Variants in ADGRB3 observed in about 807,000 individuals in gnomAD.
The protein encoded by ADGRB3 is brain-specific angiogenesis inhibitor 3.
ADGRB3 carries 37 observed loss-of-function variants against 193.4 expected under a neutral mutation model. The observed-to-expected ratio is 0.19, with a 90% CI of 0.15 to 0.25. ADGRB3 has a LOEUF of 0.25. ADGRB3 is among the 10% of genes least tolerant of loss of function. The pLI, the probability that ADGRB3 is intolerant of heterozygous loss-of-function variation, is 1.00. For missense variants in ADGRB3, 1,637 were observed against 1,852.9 expected (o/e 0.88, Z 2.14); for synonymous variants, 690 against 644.2 (o/e 1.07, Z -1.08).
At chr6:68,941,633 TA>T (rs1767644847) in intron 5 of ADGRB3, among the ~76,000 whole-genome samples, 2 of 152,002 alleles carry the variant, frequency 1.3e-5, no homozygotes, top group Admixed American at 6.6e-5. Context: ...ATTAACTTTT[TA>T]TATAGGAGGA....
chr6:68,760,746 T>A (rs551316163), intron 3 of ADGRB3, among the ~76,000 whole-genome samples: 2 of 152,256 alleles, frequency 1.3e-5, no homozygotes, highest in Non-Finnish European at 2.9e-5. Context: ...CAGAATACAT[T>A]TACCCTCAGC....
intron 29 of ADGRB3, among the ~76,000 whole-genome samples, chr6:69,368,374 G>T (rs1170684099): frequency 1.3e-5 from 2 of 152,088 alleles, no homozygotes; most frequent in Non-Finnish European, 2.9e-5. Context: ...AAAACAGTGG[G>T]CAGAACAAGA....
intron 13 of ADGRB3, among the ~76,000 whole-genome samples, chr6:69,031,366 G>A (rs748042208): frequency 1.1e-4 from 17 of 150,636 alleles, no homozygotes; most frequent in East Asian, 2.0e-4. Flanking sequence ...ATGTGAACCC[G>A]GGATGCAGAG....
At chr6:69,203,445 G>GT (rs1411714491) in intron 17 of ADGRB3, among the ~76,000 whole-genome samples, 1 of 146,326 alleles carries the variant, frequency 6.8e-6, no homozygotes, top group Non-Finnish European at 1.5e-5. Context: ...TCTCTCCATT[G>GT]TTTTTGTTTT....
intron 3 of ADGRB3, among the ~76,000 whole-genome samples, chr6:68,909,735 C>A (rs1183981204): frequency 2.6e-5 from 4 of 152,160 alleles, no homozygotes; most frequent in African/African-American, 9.6e-5. Flanking sequence ...AAACAATCTA[C>A]TGCTTGAAGC....
intron 17 of ADGRB3, among the ~76,000 whole-genome samples, chr6:69,196,049 A>G (rs562708969): frequency 6.6e-6 from 1 of 152,212 alleles, no homozygotes; most frequent in East Asian, 1.9e-4. Context: ...CCTGTTTTAA[A>G]TGTGAGACTC....
chr6:68,772,924 T>C (rs187829334), intron 3 of ADGRB3, among the ~76,000 whole-genome samples: 2,707 of 48,948 alleles, frequency 0.055, 177 homozygotes, highest in African/African-American at 0.14. Context: ...TATATATATA[T>C]ATATATATAC....
chr6:68,771,188 T>C (rs1300070869), intron 3 of ADGRB3, among the ~76,000 whole-genome samples: 3 of 152,126 alleles, frequency 2.0e-5, no homozygotes, highest in South Asian at 2.1e-4. Context: ...ATGTTTCAAA[T>C]TCCATGACAA....
At chr6:69,351,393 C>T (rs563266875) in intron 26 of ADGRB3, among the ~76,000 whole-genome samples, 1 of 151,892 alleles carries the variant, frequency 6.6e-6, no homozygotes, top group Admixed American at 6.6e-5. Flanking sequence ...CGCCCTGCCC[C>T]CAGATACGTT....
At chr6:68,709,064 G>A (rs1765370148) in intron 3 of ADGRB3, among the ~76,000 whole-genome samples, 1 of 152,078 alleles carries the variant, frequency 6.6e-6, no homozygotes, top group African/African-American at 2.4e-5. Flanking sequence ...TCAATGCTCT[G>A]GACATTTTGA....
At chr6:69,382,424 C>T (rs1233887051) in intron 30 of ADGRB3, among the ~76,000 whole-genome samples, 1 of 151,828 alleles carries the variant, frequency 6.6e-6, no homozygotes, top group Non-Finnish European at 1.5e-5. Flanking sequence ...AGAAATAAAG[C>T]ATAAAAAAGT....
intron 20 of ADGRB3, among the ~76,000 whole-genome samples, chr6:69,303,117 A>G (rs574995437): frequency 6.6e-5 from 10 of 152,064 alleles, no homozygotes; most frequent in African/African-American, 2.2e-4. Context: ...CAATTTTGCC[A>G]GACTGAATGT....
At chr6:69,102,570 A>G (rs1415389692) in intron 17 of ADGRB3, among the ~76,000 whole-genome samples, 3 of 152,218 alleles carry the variant, frequency 2.0e-5, no homozygotes, top group Non-Finnish European at 2.9e-5. Flanking sequence ...TCCCTGAGCT[A>G]ACGGGGAGCA....
chr6:69,053,618 T>G (rs12527157), intron 15 of ADGRB3, among the ~76,000 whole-genome samples: 11,772 of 152,256 alleles, frequency 0.077, 570 homozygotes, highest in Non-Finnish European at 0.11. Context: ...TGACCACTTA[T>G]GTGCATGTCC....
chr6:68,936,486 G>C (rs754004170), intron 4 of ADGRB3, 33 bp from the exon 5 acceptor site: 1 of 1,605,748 alleles, frequency 6.2e-7, no homozygotes, highest in Non-Finnish European at 8.5e-7. Context: ...ACTTAAGACA[G>C]TATTTCATGT....
chr6:69,280,758 TC>T (rs1767416917), intron 20 of ADGRB3, among the ~76,000 whole-genome samples: 1 of 152,096 alleles, frequency 6.6e-6, no homozygotes, highest in African/African-American at 2.4e-5. Context: ...AACCCAGTTC[TC>T]AAAGACAAAG....
At chr6:68,880,285 A>G (rs1308211686) in intron 3 of ADGRB3, among the ~76,000 whole-genome samples, 3 of 152,190 alleles carry the variant, frequency 2.0e-5, no homozygotes, top group African/African-American at 7.2e-5. Context: ...AAAGCCAGGC[A>G]TGACAAGTTG....
At chr6:69,050,291 G>T (rs537239903) in intron 15 of ADGRB3, among the ~76,000 whole-genome samples, 8 of 152,226 alleles carry the variant, frequency 5.3e-5, no homozygotes, top group African/African-American at 1.9e-4. Flanking sequence ...ATCTTTCTAC[G>T]TGAAGCACGT....
chr6:68,803,042 A>T (rs1767341167), intron 3 of ADGRB3, among the ~76,000 whole-genome samples: 1 of 152,094 alleles, frequency 6.6e-6, no homozygotes, highest in Admixed American at 6.5e-5. Context: ...TTTTAATATT[A>T]TACTATATAC....
Sources: allele counts gnomAD v4.1 joint callset (sites outside exome capture counted in the v4.1 genomes callset), GRCh38; gene constraint gnomAD v4.1.1; transcripts MANE v1.5; gene names NCBI Gene and HGNC (gene_info 2026-07-23, HGNC 2026-07-21).